Variants in ZNF322 observed in about 807,000 individuals in gnomAD.
ZNF322 encodes HLA complex group 12.
ZNF322 carries 1 observed loss-of-function variant against 18.3 expected under a neutral mutation model. That is an observed-to-expected ratio of 0.05 (90% CI 0.02 to 0.26). The LOEUF (loss-of-function observed/expected upper bound fraction) is 0.26. ZNF322 is among the 10% of genes least tolerant of loss of function. ZNF322 has a pLI of 1.00. For missense variants in ZNF322, 36 were observed against 403.6 expected, an observed-to-expected ratio of 0.09 and a Z score of 7.80; for synonymous variants, 17 against 130.7, an observed-to-expected ratio of 0.13 and a Z score of 5.93.
chr6:26,647,017 A>G (rs1554148792), intron 2 of ZNF322, among the ~76,000 whole-genome samples: 1 of 152,206 alleles, frequency 6.6e-6, no homozygotes, highest in Non-Finnish European at 1.5e-5. Context: ...TTTAATCAAT[A>G]AAAACAGAAG....
At chr6:26,644,220 A>G (rs147992922) in intron 2 of ZNF322, among the ~76,000 whole-genome samples, 36 of 152,358 alleles carry the variant, frequency 2.4e-4, no homozygotes, top group African/African-American at 7.7e-4. Flanking sequence ...ACAACCCAGG[A>G]GGTGGTCAAT....
At chr6:26,658,706 T>C (rs1765825554) in intron 1 of ZNF322, 60 bp from the exon 2 acceptor site, 1 of 161,244 alleles carries the variant, frequency 6.2e-6, no homozygotes, top group African/African-American at 2.4e-5. Flanking sequence ...TCATAATTTT[T>C]CTAGAGCTGG....
rs1460263877 is a variant in ZNF322 at position 26,636,499 on chromosome 6, A to G, written c.*846T>C. ...GATTTCATGTAAAGTCCTCTCTACC[A>G]TATGAGTCAACTAACTATGAGAACA... On this transcript the variant is annotated 3_prime_UTR_variant, in exon 4 of 4. Coordinates refer to ENST00000415922, the MANE Select transcript of ZNF322 (RefSeq NM_024639.5). The G allele has an allele frequency of 1.3e-5, 2 of 151,882 alleles. No homozygotes were observed. The highest frequency in any genetic ancestry group is 4.8e-5 in the African/African-American group (2 of 41,330). The allele number at this position is 151,882 out of a possible 1,614,324, so 9.4% of individuals were successfully genotyped here.
At chr6:26,642,856 G>A (rs1765489397) in intron 3 of ZNF322, among the ~76,000 whole-genome samples, 2 of 152,132 alleles carry the variant, frequency 1.3e-5, no homozygotes, top group African/African-American at 4.8e-5. Context: ...TATTTCCTCA[G>A]GCTAAAACCT....
chr6:26,641,454 A>T (rs1339368741), intron 3 of ZNF322, among the ~76,000 whole-genome samples: 1 of 152,240 alleles, frequency 6.6e-6, no homozygotes, highest in Non-Finnish European at 1.5e-5. Context: ...AGACATGTTT[A>T]TGCTAAATAC....
chr6:26,649,682 T>C (rs1765626959), intron 2 of ZNF322, among the ~76,000 whole-genome samples: 1 of 25,316 alleles, frequency 4.0e-5, no homozygotes, highest in Non-Finnish European at 7.5e-5. Context: ...TGTGTATATA[T>C]ATATATATAT....
chr6:26,637,268 TG>T lies in ZNF322; in HGVS notation c.*76del. The T allele has an allele frequency of 8.9e-7, 1 of 1,125,246 alleles. No individual in the cohort carries two copies. Among genetic ancestry groups the T allele is most frequent in the Non-Finnish European group, 1.3e-6 (1 of 780,866 alleles). The allele number at this position is 1,125,246 out of a possible 1,614,324, so 69.7% of individuals were successfully genotyped here. A position where few individuals can be genotyped will look rare whatever the true frequency, so the allele number is the denominator to read the frequency against. ...TGAATTCTGAGCTCTGAGCAAAGTC[TG>T]AGATTTGTCCTCATCTTAATGAGTT... On this transcript the variant is annotated 3_prime_UTR_variant, in exon 4 of 4. Transcript: ENST00000415922.
At chr6:26,652,799 C>T (rs1554149330) in intron 2 of ZNF322, among the ~76,000 whole-genome samples, 1 of 152,090 alleles carries the variant, frequency 6.6e-6, no homozygotes, top group African/African-American at 2.4e-5. Context: ...CTTAAGTTCA[C>T]TGATTGTAAG....
At chr6:26,657,194 G>C (rs1332265642) in intron 2 of ZNF322, among the ~76,000 whole-genome samples, 2 of 151,550 alleles carry the variant, frequency 1.3e-5, no homozygotes, top group Admixed American at 1.3e-4. Context: ...AGCTTGCAGT[G>C]AGCTGAGATT....
intron 2 of ZNF322, among the ~76,000 whole-genome samples, chr6:26,644,794 TTATC>T (rs1303949516): frequency 6.6e-6 from 1 of 152,172 alleles, no homozygotes. Flanking sequence ...ATTTATTTAT[TTATC>T]TATTTATTTA....
At chr6:26,642,910 C>T (rs1009428573) in intron 3 of ZNF322, among the ~76,000 whole-genome samples, 16 of 152,292 alleles carry the variant, frequency 1.1e-4, no homozygotes, top group African/African-American at 3.9e-4. Flanking sequence ...CACAATCAAG[C>T]CATCAGCAAA....
intron 2 of ZNF322, among the ~76,000 whole-genome samples, chr6:26,655,363 T>C (rs569147290): frequency 4.7e-4 from 71 of 152,348 alleles, no homozygotes; most frequent in Non-Finnish European, 9.7e-4. Flanking sequence ...TCCTTGTTTT[T>C]AGTAAATATA....
intron 3 of ZNF322, among the ~76,000 whole-genome samples, chr6:26,641,905 C>T (rs1041657671): frequency 1.2e-4 from 19 of 152,044 alleles, no homozygotes; most frequent in African/African-American, 4.6e-4. Context: ...TAGCCCGACA[C>T]CCGTAAAGGG....
chr6:26,650,078 T>C (rs3999471), intron 2 of ZNF322, among the ~76,000 whole-genome samples: 29,619 of 151,914 alleles, frequency 0.19, 3,029 homozygotes, highest in African/African-American at 0.24. Flanking sequence ...TTTGTAACAA[T>C]ATTTGAGATA....
chr6:26,645,615 A>G (rs969279849), intron 2 of ZNF322, among the ~76,000 whole-genome samples: 30 of 152,214 alleles, frequency 2.0e-4, no homozygotes, highest in African/African-American at 5.8e-4. Flanking sequence ...CTATTAAACT[A>G]AAAAACCATC....
chr6:26,651,044 C>T (rs1446873789), intron 2 of ZNF322, among the ~76,000 whole-genome samples: 1 of 151,948 alleles, frequency 6.6e-6, no homozygotes. Flanking sequence ...TTTGAAGTTA[C>T]AAGACTAAAG....
intron 2 of ZNF322, among the ~76,000 whole-genome samples, chr6:26,655,070 G>C (rs1765744388): frequency 6.6e-6 from 1 of 152,058 alleles, no homozygotes; most frequent in African/African-American, 2.4e-5. Flanking sequence ...CAAACTGAGG[G>C]AAACTACCAA....
At position 26,638,444 on chromosome 6, in the gene ZNF322, T is replaced by C. The variant is rs1554148025; in HGVS notation, c.110A>G (p.Gln37Arg). Reference protein sequence around the residue: ...KIFIHMHEIIQIDGHIYQCLE... With the variant: ...KIFIHMHEIIRIDGHIYQCLE... ...GCACTGGTATATATGACCATCTATC[T>C]GAATAATCTCATGCATATGAATAAA... is the stretch of plus-strand genomic sequence containing the variant. The change falls in exon 4 of 4, where the codon CAG (glutamine) becomes CGG (arginine). Residue 37 changes from glutamine to arginine, a missense_variant. Physicochemically the swap from Gln to Arg is conservative, Grantham distance 43 (BLOSUM62 1). Coordinates refer to ENST00000415922, the MANE Select transcript of ZNF322 (RefSeq NM_024639.5). 3 of 1,613,840 alleles carry C rather than the reference T, an allele frequency of 1.9e-6. No homozygotes were observed. Among genetic ancestry groups the C allele is most frequent in the Admixed American group, 1.7e-5 (1 of 60,010 alleles).
Position 26,635,203 on chromosome 6 carries a change from C to T in ZNF322, c.*2142G>A, listed in dbSNP as rs1172493522. 3 of 55,062 alleles carry T rather than the reference C, an allele frequency of 5.4e-5. No individual in the cohort carries two copies. The highest frequency in any genetic ancestry group is 1.5e-4 in the African/African-American group (2 of 13,180). The allele number at this position is 55,062 out of a possible 1,614,324, so 3.4% of individuals were successfully genotyped here. A position where few individuals can be genotyped will look rare whatever the true frequency, so the allele number is the denominator to read the frequency against. On this transcript the variant is annotated 3_prime_UTR_variant, in exon 4 of 4. Coordinates refer to ENST00000415922, the MANE Select transcript of ZNF322 (RefSeq NM_024639.5). ...TACACAAGGTAGCAGTGTAGCAGTT[C>T]GCCAACTCCATGAATCCAAATGGCA...
Sources: allele counts gnomAD v4.1 joint callset (sites outside exome capture counted in the v4.1 genomes callset), GRCh38; gene constraint gnomAD v4.1.1; transcripts MANE v1.5; gene names NCBI Gene and HGNC (gene_info 2026-07-23, HGNC 2026-07-21).